Variants in PVT1 observed in about 807,000 individuals in gnomAD.
PVT1 encodes CXCR4/PVT1 fusion.
chr8:127,992,995 C>G (rs1396507242), intron 4 of PVT1, among the ~76,000 whole-genome samples: 1 of 152,234 alleles, frequency 6.6e-6, no homozygotes, highest in Non-Finnish European at 1.5e-5. Context: ...TTAAAGAACT[C>G]CTGGCCCACT....
intron 4 of PVT1, among the ~76,000 whole-genome samples, chr8:128,038,500 G>A (rs759363598): frequency 2.6e-5 from 4 of 152,208 alleles, no homozygotes; most frequent in Non-Finnish European, 5.9e-5. Context: ...AGTCCTAAGA[G>A]GGAGGTGCGG....
rs576028433 is a variant in PVT1 at position 127,862,806 on chromosome 8, T to C, written n.373-27783T>C. ...CCAGCTTTTCATGTTTATGGCTTAT[T>C]TGTGTTTGTTAACTGGTCATTTCCT... On this transcript the variant is annotated intron_variant and non_coding_transcript_variant, in intron 2 of 10. Transcript: ENST00000651587. Among the ~76,000 whole-genome samples, 18 of 152,324 alleles carry C rather than the reference T, an allele frequency of 1.2e-4. 1 individual carries two copies. In the South Asian group the frequency reaches 3.7e-3, roughly 32 times the overall value.
chr8:127,994,240 G>T (rs985253706), intron 4 of PVT1, among the ~76,000 whole-genome samples: 1 of 152,182 alleles, frequency 6.6e-6, no homozygotes, highest in East Asian at 1.9e-4. Flanking sequence ...AGTGCCTCTT[G>T]TGGGACGGGT....
chr8:127,858,351 G>A (rs1190262089), intron 2 of PVT1, among the ~76,000 whole-genome samples: 2 of 152,024 alleles, frequency 1.3e-5, no homozygotes, highest in Non-Finnish European at 2.9e-5. Context: ...AGGTTGCAGT[G>A]AGCGGATATT....
At chr8:127,908,057 G>A (rs940377817) in intron 3 of PVT1, among the ~76,000 whole-genome samples, 5 of 152,138 alleles carry the variant, frequency 3.3e-5, no homozygotes, top group African/African-American at 9.7e-5. Flanking sequence ...ATCTGTGGCC[G>A]CGCATCACCC....
chr8:128,069,071 A>G (rs1383676686), intron 4 of PVT1, among the ~76,000 whole-genome samples: 1 of 152,184 alleles, frequency 6.6e-6, no homozygotes, highest in African/African-American at 2.4e-5. Context: ...TTTCCCAGAC[A>G]TCTGAAGGGT....
At chr8:128,002,993 C>CTTCT (rs1817200558) in intron 4 of PVT1, among the ~76,000 whole-genome samples, 1 of 128,838 alleles carries the variant, frequency 7.8e-6, no homozygotes, top group South Asian at 3.0e-4. Context: ...TCCTTCCTTC[C>CTTCT]TCCCTTCTTT....
intron 2 of PVT1, among the ~76,000 whole-genome samples, chr8:127,816,118 C>T (rs374048226): frequency 1.2e-3 from 112 of 94,530 alleles, no homozygotes; most frequent in African/African-American, 5.0e-3. Context: ...AGTGAGACTC[C>T]GTCTCAACAC....
chr8:128,081,029 GGTCTGTTTCCAGGCT>G (rs1485130333), intron 5 of PVT1, among the ~76,000 whole-genome samples: 5 of 152,042 alleles, frequency 3.3e-5, no homozygotes, highest in Admixed American at 3.3e-4. Context: ...TATATATGTG[GGTCTGTTTCCAGGCT>G]GTCTGTTCTG....
chr8:128,093,830 G>A (rs1251173196), intron 5 of PVT1, among the ~76,000 whole-genome samples: 1 of 152,056 alleles, frequency 6.6e-6, no homozygotes, highest in Admixed American at 6.5e-5. Flanking sequence ...TAGAGACAGG[G>A]TTTCACCATA....
At chr8:128,037,274 G>A (rs1322646527) in intron 4 of PVT1, among the ~76,000 whole-genome samples, 3 of 152,312 alleles carry the variant, frequency 2.0e-5, no homozygotes, top group East Asian at 1.9e-4. Context: ...TGGGACATAC[G>A]CCCATTTGTT....
At chr8:127,974,177 C>T (rs1313233311) in intron 3 of PVT1, among the ~76,000 whole-genome samples, 2 of 152,092 alleles carry the variant, frequency 1.3e-5, no homozygotes, top group Admixed American at 6.6e-5. Context: ...CAGATACTGC[C>T]GGATGTGCCA....
At chr8:127,841,038 C>T (rs1814967630) in intron 2 of PVT1, among the ~76,000 whole-genome samples, 1 of 152,228 alleles carries the variant, frequency 6.6e-6, no homozygotes, top group Non-Finnish European at 1.5e-5. Flanking sequence ...CCAAAGCTTG[C>T]TCCGGGAATC....
At chr8:128,040,851 GTGTATT>G (rs1327225436) in intron 4 of PVT1, among the ~76,000 whole-genome samples, 4 of 151,682 alleles carry the variant, frequency 2.6e-5, no homozygotes, top group Non-Finnish European at 4.4e-5. Flanking sequence ...ATTTGTGCTT[GTGTATT>G]TGTATGTGTA....
At chr8:128,058,909 G>A (rs1412018800) in intron 4 of PVT1, among the ~76,000 whole-genome samples, 1 of 152,152 alleles carries the variant, frequency 6.6e-6, no homozygotes, top group African/African-American at 2.4e-5. Context: ...CAGACGCATG[G>A]CTGTTCTCAG....
At chr8:127,795,317 G>C (rs1450721209) in intron 1 of PVT1, among the ~76,000 whole-genome samples, 1 of 152,158 alleles carries the variant, frequency 6.6e-6, no homozygotes, top group Non-Finnish European at 1.5e-5. Context: ...TTGCTAACGT[G>C]CTCTTATTTA....
At chr8:127,837,966 C>T (rs569879260) in intron 2 of PVT1, among the ~76,000 whole-genome samples, 29 of 151,028 alleles carry the variant, frequency 1.9e-4, no homozygotes, top group African/African-American at 6.1e-4. Context: ...GGTGCAATCT[C>T]GGCTCACTGC....
intron 4 of PVT1, among the ~76,000 whole-genome samples, chr8:128,055,642 T>G (rs1586500496): frequency 6.6e-6 from 1 of 152,368 alleles, no homozygotes; most frequent in East Asian, 1.9e-4. Flanking sequence ...ATAAGTTGGC[T>G]GAGCTCTGCT....
chr8:128,057,350 T>A (rs1025061056), intron 4 of PVT1, among the ~76,000 whole-genome samples: 1 of 152,210 alleles, frequency 6.6e-6, no homozygotes, highest in Non-Finnish European at 1.5e-5. Context: ...CAAACCCTTA[T>A]GACCTAACCG....
Sources: gnomAD v4.1 joint callset for allele counts (sites outside exome capture counted in the v4.1 genomes callset) on GRCh38, gnomAD v4.1.1 for gene constraint, MANE v1.5 for transcripts, NCBI Gene and HGNC (gene_info 2026-07-23, HGNC 2026-07-21) for gene names.